SYT14: variants seen among roughly 807,000 people sequenced by gnomAD.
SYT14 encodes synaptotagmin 14, also known as synaptotagmin-14.
A neutral mutation model predicts 74.2 loss-of-function variants in SYT14; 32 were observed. That is an observed-to-expected ratio of 0.43 (90% CI 0.33 to 0.58). The LOEUF (loss-of-function observed/expected upper bound fraction) is 0.58. Ranked by LOEUF, SYT14 falls within the 20% of genes least tolerant of loss-of-function variation. The pLI is 0.05. For synonymous variants in SYT14, 298 were observed against 337.7 expected (o/e 0.88, Z 1.29); for missense variants, 791 against 981.8 (o/e 0.81, Z 2.60).
exon 4 of SYT14, chr1:210,015,912 T>C: frequency 8.1e-7 from 1 of 1,229,800 alleles, no homozygotes; most frequent in Admixed American, 4.2e-5. Context: ...TAGCAACATT[T>C]AAGTAAATGT....
At chr1:210,132,567 T>TTG (rs3031264) in intron 7 of SYT14, among the ~76,000 whole-genome samples, 13,620 of 144,820 alleles carry the variant, frequency 0.094, 892 homozygotes, top group African/African-American at 0.17. Context: ...ATTTTATATA[T>TTG]TGTGTGTGTG....
At chr1:210,114,846 TTGGGA>T (rs1451662223) in intron 7 of SYT14, among the ~76,000 whole-genome samples, 1 of 150,446 alleles carries the variant, frequency 6.6e-6, no homozygotes, top group Admixed American at 6.6e-5. Context: ...TGAGGAAGAA[TTGGGA>T]CCTGGCTCGG....
At chr1:210,122,566 A>ATT (rs879703677) in intron 7 of SYT14, among the ~76,000 whole-genome samples, 1 of 136,548 alleles carries the variant, frequency 7.3e-6, no homozygotes, top group Non-Finnish European at 1.6e-5. Flanking sequence ...CAGAGAGTTC[A>ATT]TTTTTTTTTT....
rs961525358 is a variant in SYT14, at chr1:210,046,730, A to G, written c.1312+25476A>G. ...TTACTGAATGGTACTTCATTGTATAAATATACCACATATTGTCTATCCACT... is the reference window on the plus strand; with the variant it reads ...TTACTGAATGGTACTTCATTGTATAGATATACCACATATTGTCTATCCACT... On this transcript the variant is annotated intron_variant, in intron 5 of 9. Coordinates refer to ENST00000637265, the Ensembl canonical transcript of SYT14. 5.9e-5 allele frequency among the ~76,000 whole-genome samples: 9 copies of G among 152,206 alleles called. No individual in the cohort carries two copies. The East Asian group carries it at 1.3e-3, about 23-fold the overall frequency.
At chr1:210,034,034 C>T (rs1459577732) in intron 5 of SYT14, among the ~76,000 whole-genome samples, 1 of 151,662 alleles carries the variant, frequency 6.6e-6, no homozygotes, top group Non-Finnish European at 1.5e-5. Context: ...TATAGTTCTG[C>T]AAATAACAAT....
At chr1:210,124,872 T>G (rs74750681) in intron 7 of SYT14, among the ~76,000 whole-genome samples, 1 of 146,496 alleles carries the variant, frequency 6.8e-6, no homozygotes, top group Admixed American at 6.8e-5. Context: ...TTTTGTGTGG[T>G]TTTTTTTTTT....
intron 9 of SYT14, 105 bp from the exon 9 acceptor site, chr1:210,160,624 C>A: frequency 1.0e-6 from 1 of 976,938 alleles, no homozygotes; most frequent in Non-Finnish European, 1.5e-6. Flanking sequence ...ATGGTATACA[C>A]CATATCCTTA....
intron 1 of SYT14, among the ~76,000 whole-genome samples, chr1:209,945,029 C>T (rs751404400): frequency 6.6e-6 from 1 of 152,076 alleles, no homozygotes; most frequent in African/African-American, 2.4e-5. Flanking sequence ...CTGCTTCTCC[C>T]TCTCTTGTCT....
intron 7 of SYT14, among the ~76,000 whole-genome samples, chr1:210,107,899 CTG>C (rs1205085875): frequency 6.6e-6 from 1 of 151,106 alleles, no homozygotes; most frequent in African/African-American, 2.4e-5. Flanking sequence ...TTGTTTATTT[CTG>C]TCTTTGTTTT....
At chr1:210,116,751 A>G (rs554623759) in intron 7 of SYT14, among the ~76,000 whole-genome samples, 4 of 152,320 alleles carry the variant, frequency 2.6e-5, no homozygotes, top group African/African-American at 4.8e-5. Context: ...TAGGTGTTCA[A>G]TGAACACTTA....
intron 2 of SYT14, among the ~76,000 whole-genome samples, chr1:209,956,785 G>A (rs1017488000): frequency 3.9e-5 from 6 of 152,124 alleles, no homozygotes; most frequent in African/African-American, 7.2e-5. Context: ...TAACTTAAAG[G>A]TGTGACTTCA....
exon 10 of SYT14, chr1:210,169,815 G>T (rs1225710108): frequency 1.3e-5 from 2 of 152,080 alleles, no homozygotes; most frequent in African/African-American, 4.8e-5. Flanking sequence ...AACTCATGAG[G>T]TTCCTCACTG....
chr1:209,993,431 C>T (rs2079729470), intron 2 of SYT14, among the ~76,000 whole-genome samples: 1 of 152,220 alleles, frequency 6.6e-6, no homozygotes, highest in African/African-American at 2.4e-5. Context: ...AACCTGACCC[C>T]AAGCTGCGGG....
chr1:210,093,194 A>G (rs1340916612), intron 5 of SYT14, among the ~76,000 whole-genome samples: 1 of 152,092 alleles, frequency 6.6e-6, no homozygotes, highest in African/African-American at 2.4e-5. Flanking sequence ...TTTCATTTGA[A>G]CCAAGCATTT....
chr1:210,075,533 C>G (rs1313926206), intron 5 of SYT14, among the ~76,000 whole-genome samples: 1 of 152,018 alleles, frequency 6.6e-6, no homozygotes, highest in Non-Finnish European at 1.5e-5. Flanking sequence ...CGGGGTTTCA[C>G]CATGTTGGCC....
intron 5 of SYT14, among the ~76,000 whole-genome samples, chr1:210,069,374 A>G (rs906768297): frequency 6.6e-6 from 1 of 151,934 alleles, no homozygotes; most frequent in Non-Finnish European, 1.5e-5. Context: ...AGAGATATGT[A>G]ATATCTTCCA....
intron 5 of SYT14, among the ~76,000 whole-genome samples, chr1:210,059,625 T>G (rs979469580): frequency 6.6e-6 from 1 of 152,060 alleles, no homozygotes; most frequent in Non-Finnish European, 1.5e-5. Context: ...AGGGTGTGAA[T>G]GCATTGCCAG....
At chr1:209,985,097 T>G (rs2079548941) in intron 2 of SYT14, among the ~76,000 whole-genome samples, 2 of 152,202 alleles carry the variant, frequency 1.3e-5, no homozygotes, top group South Asian at 2.1e-4. Flanking sequence ...CTCATGTTGC[T>G]AAATATAATC....
At chr1:210,159,211 TACACAATA>T (rs1203890300) in intron 8 of SYT14, among the ~76,000 whole-genome samples, 1 of 152,196 alleles carries the variant, frequency 6.6e-6, no homozygotes, top group Non-Finnish European at 1.5e-5. Context: ...TGTTTAAGAT[TACACAATA>T]ACCTTAAAAA....
Sources: allele counts gnomAD v4.1 joint callset (sites outside exome capture counted in the v4.1 genomes callset), GRCh38; gene constraint gnomAD v4.1.1; transcripts MANE v1.5; gene names NCBI Gene and HGNC (gene_info 2026-07-23, HGNC 2026-07-21).